THBS3: variants seen among roughly 807,000 people sequenced by gnomAD.
THBS3 encodes thrombospondin-3.
Under a neutral mutation model 118.3 loss-of-function variants are expected in THBS3, and 78 were observed. That is an observed-to-expected ratio of 0.66 (90% CI 0.55 to 0.80). The LOEUF (loss-of-function observed/expected upper bound fraction) is 0.80. Among genes scored for constraint, THBS3 ranks in the 30% least tolerant of loss-of-function variants. The pLI is 0.00. For synonymous variants in THBS3, 427 were observed against 475.3 expected (o/e 0.90, Z 1.32); for missense variants, 1,057 against 1,247.4 (o/e 0.85, Z 2.30).
In THBS3 at chr1:155,200,991, A is replaced by G. The variant is rs760266777; in HGVS notation, c.1454T>C (p.Leu485Ser). ...NKHCKQDNCL[L>S]TPNSGQEDAD... ...ATCTTCCTGCCCAGAGTTGGGTGTC[A>G]AAAGGCAGTTGTCCTAAAGTTCAGG... Residue 485 changes from leucine (L) to serine (S), a missense_variant, in exon 13 of 23, where the codon TTG becomes TCG. Physicochemically the swap from Leu to Ser is moderately radical, Grantham distance 145. This residue lies in a region of THBS3 where 544 missense variants were observed against 715.6 expected (regional missense o/e 0.76). Transcript: ENST00000368378. 1 of 1,614,156 alleles carries G rather than the reference A, an allele frequency of 6.2e-7. No individual in the cohort carries two copies.
rs2147983176 is a variant in THBS3 at position 155,202,533 on chromosome 1, G to A, written c.958-132C>T. ...CCCCACACAACTGCCTTGTGCTCCT[G>A]GTCCCCACCCCACTTCCCTCGGGGT... On this transcript the variant is annotated intron_variant, in intron 8 of 22. Transcript: ENST00000368378. This position sits in a 1 kb window ranked among gnomAD's most constrained non-coding sequence, Gnocchi z 5.5. 7.5e-7 allele frequency: 1 copy of A among 1,326,480 alleles called. No individual in the cohort carries two copies. Among genetic ancestry groups the A allele is most frequent in the Non-Finnish European group, 1.0e-6 (1 of 986,182 alleles). 82.2% of individuals were successfully genotyped at this position (1,326,480 alleles called of 1,614,324 possible).
Position 155,205,195 on chromosome 1 carries a change from G to A in THBS3, c.408C>T (p.Ser136=). 1 of 1,614,208 alleles carries A rather than the reference G, an allele frequency of 6.2e-7. No homozygotes were observed. Among genetic ancestry groups the A allele is most frequent in the Non-Finnish European group, 8.5e-7 (1 of 1,180,042 alleles). ...AGTCCACGTAGAGATGTAGGGCAGG[G>A]CTGGGTCTGGAGGGACCTCGGAGTC... ...LLRLRGPSRP[S]PALHLYVDCK... is the part of the protein sequence containing the mutation. Residue 136 remains serine (S), a synonymous_variant, in exon 3 of 23, where the codon AGC becomes AGT. Transcript: ENST00000368378.
chr1:155,200,151 A>C (rs566672461), intron 14 of THBS3, 38 bp from the exon 15 acceptor site: 1 of 1,488,644 alleles, frequency 6.7e-7, no homozygotes, highest in South Asian at 1.3e-5. Context: ...TTACTAGAAC[A>C]TGCCATATTC....
chr1:155,196,157 T>A, intron 21 of THBS3, 31 bp from the exon 22 acceptor site: 2 of 1,612,978 alleles, frequency 1.2e-6, no homozygotes, highest in Non-Finnish European at 1.7e-6. Flanking sequence ...GGAGTATCCA[T>A]TGGTGCTAGG....
In THBS3 at chr1:155,203,505, C is replaced by G; in HGVS notation, c.673+8G>C. Reference sequence around the variant, plus strand: ...CTCCCCGCTTCCGCTTCAGTGTGGCCTACTCACCTAGAATGGAGTGCAGTG... The same window carrying G: ...CTCCCCGCTTCCGCTTCAGTGTGGCGTACTCACCTAGAATGGAGTGCAGTG... On this transcript the variant is annotated splice_region_variant and intron_variant, in intron 5 of 22. Coordinates refer to ENST00000368378, the MANE Select transcript of THBS3 (RefSeq NM_007112.5). 1 of 1,613,634 alleles carries G rather than the reference C, an allele frequency of 6.2e-7. No homozygotes were observed. The highest frequency in any genetic ancestry group is 8.5e-7 in the Non-Finnish European group (1 of 1,179,936).
Position 155,197,415 on chromosome 1 carries a change from G to C in THBS3, c.2499+48C>G. The C allele has an allele frequency of 1.9e-6, 3 of 1,593,760 alleles. No homozygotes were observed. Among genetic ancestry groups the C allele is most frequent in the Non-Finnish European group, 2.6e-6 (3 of 1,169,490 alleles). ...GGGGAGGCCCTGGGGCTGCAGAGGA[G>C]AGCTTTGGGAAAGGGCCCTGGGTTG... On this transcript the variant is annotated intron_variant, in intron 20 of 22. Transcript: ENST00000368378. The surrounding 1 kb of genome is among the most constrained non-coding windows in gnomAD (Gnocchi z 5.0).
chr1:155,201,264 T>C (rs1021547591), intron 11 of THBS3, 60 bp from the exon 12 acceptor site: 20 of 1,606,660 alleles, frequency 1.2e-5, no homozygotes, highest in Middle Eastern at 1.7e-4. Context: ...CTCCCTATAT[T>C]TTCCCTGCTT....
chr1:155,198,310 T>G (rs1003185129), intron 17 of THBS3, 90 bp from the exon 18 acceptor site: 4 of 1,586,646 alleles, frequency 2.5e-6, no homozygotes, highest in Non-Finnish European at 3.4e-6. Context: ...TCCTGACATC[T>G]TTCCCCACCT....
In THBS3 at chr1:155,205,083, G is replaced by C. The variant is rs779336989; in HGVS notation, c.520C>G (p.Gln174Glu). 1 of 1,613,876 alleles carries C rather than the reference G, an allele frequency of 6.2e-7. No homozygotes were observed. The highest frequency in any genetic ancestry group is 8.5e-7 in the Non-Finnish European group (1 of 1,179,918). ...EVDGLEIRTG[Q>E]KAYLRMQGFV... The stretch of plus-strand genomic sequence containing the variant: ...ACCTGCATCCTCAAATACGCCTTCT[G>C]TCCAGTCCTAATCTCCAGCCCATCG... Residue 174 changes from glutamine to glutamate, a missense_variant, in exon 3 of 23, where the codon CAG becomes GAG. By Grantham distance (29) the Gln-to-Glu change is conservative. This residue lies in a region of THBS3 where 544 missense variants were observed against 715.6 expected (regional missense o/e 0.76). Transcript: ENST00000368378.
rs372932762 is a variant in THBS3, at chr1:155,203,086, C to T, written c.808G>A (p.Gly270Ser). 1.2e-5 allele frequency: 20 copies of T among 1,614,192 alleles called. No homozygotes were observed. The highest frequency in any genetic ancestry group is 4.0e-5 in the African/African-American group (3 of 75,042). The change falls in exon 7 of 23, where the codon GGC becomes AGC. Residue 270 changes from glycine (G) to serine (S), a missense_variant and splice_region_variant. Physicochemically the swap from Gly to Ser is moderately conservative, Grantham distance 56 (BLOSUM62 0). Around this residue, in one of 3 missense-constraint regions of THBS3, gnomAD observed 544 missense variants for 715.6 expected, o/e 0.76. Transcript: ENST00000368378. Reference protein sequence around the residue: ...RNTIMECQVCGFHEQRSHCSP... With the variant: ...RNTIMECQVCSFHEQRSHCSP... ...GAGCCTCCCCTGCTCTCCCACTCAC[C>T]GCACACCTGACACTCCATAATGGTG...
In THBS3 at chr1:155,197,003, G is replaced by A. The variant is rs77150642; in HGVS notation, c.2672+38C>T. 4.5e-3 allele frequency: 7,228 copies of A among 1,597,320 alleles called. 22 individuals are homozygous for A. The highest frequency in any genetic ancestry group is 5.6e-3 in the Non-Finnish European group (6,574 of 1,167,510). ...CAGCTAAAGAGGAAGGACAGGCCCG[G>A]CCTGAGTCCCACAGGTGGGCTCAGC... On this transcript the variant is annotated intron_variant, in intron 21 of 22. Transcript: ENST00000368378. This position sits in a 1 kb window ranked among gnomAD's most constrained non-coding sequence, Gnocchi z 5.0.
chr1:155,195,875 G>A lies in THBS3; in HGVS notation c.2837C>T (p.Pro946Leu), dbSNP rs1178113207. ...CNDTVPEDFE[P>L]FRRQLLQGRV ...TCCCTGGAGCAGCTGCCTCCGGAAT[G>A]GCTCAAAGTCCTCAGGCACTGTGTC... Residue 946 changes from proline to leucine, a missense_variant, in exon 23 of 23, where the codon CCA becomes CTA. Pro to Leu is a moderately conservative substitution (Grantham distance 98). Coordinates refer to ENST00000368378, the MANE Select transcript of THBS3 (RefSeq NM_007112.5). 1 of 1,614,134 alleles carries A rather than the reference G, an allele frequency of 6.2e-7. No individual in the cohort carries two copies. Among genetic ancestry groups the A allele is most frequent in the East Asian group, 2.2e-5 (1 of 44,888 alleles).
In THBS3 at chr1:155,206,030, A is replaced by G. The variant is rs1289600812; in HGVS notation, c.286+170T>C. On this transcript the variant is annotated intron_variant, in intron 2 of 22. Coordinates refer to ENST00000368378, the MANE Select transcript of THBS3 (RefSeq NM_007112.5). This position sits in a 1 kb window ranked among gnomAD's most constrained non-coding sequence, Gnocchi z 4.2. ...TATTGTTTGGTACATGGGCTCCTAAAGCACCTTATAAGCACCCCATACCAG... is the reference window on the plus strand; with the variant it reads ...TATTGTTTGGTACATGGGCTCCTAAGGCACCTTATAAGCACCCCATACCAG... 1.3e-5 allele frequency among the ~76,000 whole-genome samples: 2 copies of G among 152,214 alleles called. No individual in the cohort carries two copies. Among genetic ancestry groups the G allele is most frequent in the African/African-American group, 4.8e-5 (2 of 41,448 alleles).
Position 155,207,785 on chromosome 1 carries a change from G to A in THBS3, c.79+13C>T. 1 of 1,613,818 alleles carries A rather than the reference G, an allele frequency of 6.2e-7. No homozygotes were observed. The highest frequency in any genetic ancestry group is 8.5e-7 in the Non-Finnish European group (1 of 1,179,828). On this transcript the variant is annotated intron_variant, in intron 1 of 22. Coordinates refer to ENST00000368378, the MANE Select transcript of THBS3 (RefSeq NM_007112.5). ...AAGCAGAGAGCGGTCTAAGAGGATG[G>A]AGACAGGCTTACCCTGCAGATCCTG...
At chr1:155,195,926 A>G (rs374352168) in intron 22 of THBS3, 27 bp from the exon 23 acceptor site, 112 of 1,614,112 alleles carry the variant, frequency 6.9e-5, no homozygotes, top group Non-Finnish European at 8.7e-5. Flanking sequence ...AAGTAAGGTC[A>G]GAGGATGTGG....
In THBS3 at chr1:155,202,397, G is replaced by A; in HGVS notation, c.962C>T (p.Ala321Val). Residue 321 changes from alanine (A) to valine (V), a missense_variant, in exon 9 of 23, where the codon GCT becomes GTT. Ala to Val is a moderately conservative substitution (Grantham distance 64). This residue lies in a region of THBS3 where 544 missense variants were observed against 715.6 expected (regional missense o/e 0.76). Transcript: ENST00000368378. This position sits in a 1 kb window ranked among gnomAD's most constrained non-coding sequence, Gnocchi z 5.5. The part of the protein sequence containing the change: ...GTHCSDINEC[A>V]HADPCFPGSS... Reference sequence around the variant, plus strand: ...GCCCGGGAAACAGGGGTCAGCGTGAGCACACTGGGGACCAGATGAGAAGGC... The same window carrying A: ...GCCCGGGAAACAGGGGTCAGCGTGAACACACTGGGGACCAGATGAGAAGGC... The A allele has an allele frequency of 6.2e-7, 1 of 1,613,830 alleles. No individual in the cohort carries two copies. The highest frequency in any genetic ancestry group is 8.5e-7 in the Non-Finnish European group (1 of 1,179,972).
At chr1:155,204,826 C>T in intron 4 of THBS3, 29 bp downstream of exon 4, 1 of 1,602,360 alleles carries the variant, frequency 6.2e-7, no homozygotes, top group East Asian at 2.2e-5. Flanking sequence ...ATCCGTGGTC[C>T]AATGTCAGCA....
At chr1:155,208,640 C>G, upstream of THBS3, 1 of 716,074 alleles carries the variant, frequency 1.4e-6, no homozygotes, top group Non-Finnish European at 2.2e-6. Flanking sequence ...AGCAGAGGGG[C>G]GCCTGAGTTC....
chr1:155,198,029 T>A lies in THBS3; in HGVS notation c.2253+13A>T. 6.2e-7 allele frequency: 1 copy of A among 1,614,154 alleles called. No individual in the cohort carries two copies. Among genetic ancestry groups the A allele is most frequent in the Non-Finnish European group, 8.5e-7 (1 of 1,179,998 alleles). On this transcript the variant is annotated intron_variant, in intron 18 of 22. Coordinates refer to ENST00000368378, the MANE Select transcript of THBS3 (RefSeq NM_007112.5). Reference sequence around the variant, plus strand: ...GTCTGATAGCACCTGCCCAGCCCACTGCCCCGAGTTACCTGGTTGAGCACA... The same window carrying A: ...GTCTGATAGCACCTGCCCAGCCCACAGCCCCGAGTTACCTGGTTGAGCACA...
Sources: allele counts gnomAD v4.1 joint callset (sites outside exome capture counted in the v4.1 genomes callset), GRCh38; gene constraint gnomAD v4.1.1; regional missense constraint gnomAD v4.1.1; non-coding constraint Gnocchi (gnomAD v3.1); transcripts MANE v1.5; gene names NCBI Gene and HGNC (gene_info 2026-07-23, HGNC 2026-07-21).